Variants in TMEM9 observed in about 807,000 individuals in gnomAD.
The protein encoded by TMEM9 is proton-transporting V-type ATPase complex assembly regulator TMEM9.
TMEM9 carries 13 observed loss-of-function variants against 22.8 expected under a neutral mutation model. The observed-to-expected ratio is 0.57, with a 90% CI of 0.37 to 0.91. The LOEUF is 0.91. Ranked by LOEUF, TMEM9 falls within the 40% of genes least tolerant of loss-of-function variation. The pLI is 0.01. For missense variants in TMEM9, 182 were observed against 238.1 expected (o/e 0.76, Z 1.55); for synonymous variants, 88 against 93.0 (o/e 0.95, Z 0.31).
chr1:201,169,716 C>T (rs1397858735), intron 1 of TMEM9, among the ~76,000 whole-genome samples: 4 of 151,994 alleles, frequency 2.6e-5, no homozygotes, highest in African/African-American at 9.7e-5. Context: ...TGGATGAGCA[C>T]TTGCTGAAGC....
intron 2 of TMEM9, among the ~76,000 whole-genome samples, chr1:201,151,096 C>CAT (rs1665393130): frequency 6.6e-6 from 1 of 152,178 alleles, no homozygotes; most frequent in African/African-American, 2.4e-5. Context: ...ACATGTCCCA[C>CAT]CTCCCATAAC....
At chr1:201,143,751 C>T (rs1201631058) in intron 4 of TMEM9, 69 bp downstream of exon 4, 8 of 1,559,756 alleles carry the variant, frequency 5.1e-6, no homozygotes, top group South Asian at 1.1e-5. Flanking sequence ...CTAGGTGACG[C>T]TCCTCTGGGT....
At chr1:201,138,733 G>T (rs1042398223) in intron 4 of TMEM9, among the ~76,000 whole-genome samples, 1 of 152,224 alleles carries the variant, frequency 6.6e-6, no homozygotes, top group Non-Finnish European at 1.5e-5. Flanking sequence ...TGGCAAATGG[G>T]TAAAACCATC....
intron 3 of TMEM9, among the ~76,000 whole-genome samples, chr1:201,145,923 CT>C (rs1357770380): frequency 1.2e-4 from 19 of 152,198 alleles, no homozygotes; most frequent in African/African-American, 4.3e-4. Context: ...GATCGTGCCA[CT>C]GGACTACAGC....
chr1:201,143,209 G>A (rs1664677528), intron 4 of TMEM9, among the ~76,000 whole-genome samples: 1 of 152,162 alleles, frequency 6.6e-6, no homozygotes, highest in Non-Finnish European at 1.5e-5. Context: ...TGACATTTGG[G>A]ACTTTTAATA....
At chr1:201,141,833 G>A (rs938097269) in intron 4 of TMEM9, among the ~76,000 whole-genome samples, 21 of 152,240 alleles carry the variant, frequency 1.4e-4, no homozygotes, top group African/African-American at 4.6e-4. Context: ...CATACCCAGG[G>A]ACGGCAAGCT....
At chr1:201,146,586 T>C in intron 3 of TMEM9, 154 bp downstream of exon 3, 1 of 773,478 alleles carries the variant, frequency 1.3e-6, no homozygotes, top group African/African-American at 1.7e-5. Context: ...GTGTGGGATG[T>C]GGGTCCCAGT....
chr1:201,139,605 ACACTGGT>A (rs1424106861), intron 4 of TMEM9, among the ~76,000 whole-genome samples: 2 of 151,986 alleles, frequency 1.3e-5, no homozygotes, highest in African/African-American at 4.8e-5. Context: ...GCCTCTGGCC[ACACTGGT>A]CCATGCATCC....
chr1:201,170,956 C>T (rs1038625185), intron 1 of TMEM9, among the ~76,000 whole-genome samples: 3 of 152,260 alleles, frequency 2.0e-5, no homozygotes, highest in Admixed American at 6.5e-5. Context: ...AGAATGAGAA[C>T]ATTTCTGTGC....
At chr1:201,163,991 T>C (rs1330470663) in intron 1 of TMEM9, among the ~76,000 whole-genome samples, 3 of 152,236 alleles carry the variant, frequency 2.0e-5, no homozygotes, top group South Asian at 4.1e-4. Context: ...TGTCCTATTA[T>C]GGGTGAACAG....
chr1:201,156,800 G>A (rs942719998), upstream of TMEM9, among the ~76,000 whole-genome samples: 2 of 152,176 alleles, frequency 1.3e-5, no homozygotes, highest in Admixed American at 6.5e-5. Context: ...CATGTGCCAA[G>A]CACTATCTGT....
chr1:201,160,952 T>A lies in TMEM9; in HGVS notation c.-36-6993A>T, dbSNP rs957773765. ...CTCTGTCTCCAAAAAAAAAAAAAAA[T>A]ATTGAGGACCCTAAAGAATTTTGTT... On this transcript the variant is annotated intron_variant, in intron 1 of 5. Transcript: ENST00000367333. Among the ~76,000 whole-genome samples the A allele has an allele frequency of 1.7e-4, 25 of 145,272 alleles. 1 individual carries two copies. Among genetic ancestry groups the A allele is most frequent in the African/African-American group, 5.2e-4 (21 of 40,504 alleles).
At chr1:201,164,249 A>G (rs1666017265) in intron 1 of TMEM9, among the ~76,000 whole-genome samples, 2 of 152,264 alleles carry the variant, frequency 1.3e-5, no homozygotes, top group South Asian at 4.1e-4. Flanking sequence ...GGATATGACT[A>G]TAAAAGGCAA....
chr1:201,135,188 G>A lies in TMEM9; in HGVS notation c.*475C>T, dbSNP rs139373933. On this transcript the variant is annotated 3_prime_UTR_variant, in exon 5 of 5. Transcript: ENST00000367330. ...CTGGAGCTGGGGCTGGGGCTGAGGC[G>A]CTGGGGCTGGGAGGGAGGTGGTGAT... The A allele has an allele frequency of 1.2e-3, 185 of 149,856 alleles. No homozygotes were observed. The highest frequency in any genetic ancestry group is 2.2e-3 in the Admixed American group (33 of 14,888). The allele number at this position is 149,856 out of a possible 1,614,324, so 9.3% of individuals were successfully genotyped here.
intron 4 of TMEM9, among the ~76,000 whole-genome samples, chr1:201,139,986 G>A (rs776550942): frequency 4.5e-4 from 69 of 152,166 alleles, no homozygotes; most frequent in Non-Finnish European, 6.9e-4. Flanking sequence ...GGAGGAGGCC[G>A]ACTGGATTGC....
chr1:201,168,327 G>A (rs532161590), intron 1 of TMEM9, among the ~76,000 whole-genome samples: 1 of 152,262 alleles, frequency 6.6e-6, no homozygotes, highest in East Asian at 1.9e-4. Flanking sequence ...ACACAATCTT[G>A]TATGAATCTT....
chr1:201,147,261 T>G (rs183894021), intron 2 of TMEM9, among the ~76,000 whole-genome samples: 3 of 152,164 alleles, frequency 2.0e-5, no homozygotes, highest in African/African-American at 7.2e-5. Context: ...CAGGAGTCAC[T>G]ATGTGCATGT....
upstream of TMEM9, among the ~76,000 whole-genome samples, chr1:201,156,407 C>T (rs1665795209): frequency 3.3e-5 from 5 of 152,308 alleles, no homozygotes; most frequent in South Asian, 1.0e-3. Context: ...GTTTTCAGCA[C>T]ATCGCTCATT....
At chr1:201,144,028 C>T in intron 3 of TMEM9, 77 bp from the exon 4 acceptor site, 1 of 1,536,214 alleles carries the variant, frequency 6.5e-7, no homozygotes, top group Admixed American at 1.8e-5. Flanking sequence ...CTTGGGCCAT[C>T]TGTGTCCGGC....
Sources: allele counts gnomAD v4.1 joint callset (sites outside exome capture counted in the v4.1 genomes callset), GRCh38; gene constraint gnomAD v4.1.1; transcripts MANE v1.5; gene names NCBI Gene and HGNC (gene_info 2026-07-23, HGNC 2026-07-21).